The following SRGAP2 variants were observed in gnomAD, a reference collection of about 807,000 sequenced individuals.
SRGAP2 encodes SLIT-ROBO Rho GTPase activating protein 2, also known as SLIT-ROBO Rho GTPase-activating protein 2.
A neutral mutation model predicts 57.2 loss-of-function variants in SRGAP2; 15 were observed. That is an observed-to-expected ratio of 0.26 (90% CI 0.18 to 0.40). SRGAP2 has a LOEUF of 0.40. Ranked by LOEUF, SRGAP2 falls within the 10% of genes least tolerant of loss-of-function variation. The probability of loss-of-function intolerance (pLI) is 1.00; values close to 1 mark genes in which losing one functional copy is unlikely to be tolerated. For missense variants in SRGAP2, 520 were observed against 669.6 expected (o/e 0.78, Z 2.47); for synonymous variants, 249 against 248.0 (o/e 1.00, Z -0.04).
chr1:206,421,344 C>A (rs374887719), intron 13 of SRGAP2, 70 bp downstream of exon 13: 6 of 719,446 alleles, frequency 8.3e-6, no homozygotes, highest in Non-Finnish European at 1.5e-5. Flanking sequence ...ATTTATTGAG[C>A]GCCACTGTGT....
intron 11 of SRGAP2, among the ~76,000 whole-genome samples, chr1:206,418,906 G>A (rs985229357): frequency 6.6e-6 from 1 of 151,308 alleles, no homozygotes; most frequent in Admixed American, 6.6e-5. Context: ...GTGTGTGTGT[G>A]TGTGTGTGTG....
intron 3 of SRGAP2, among the ~76,000 whole-genome samples, chr1:206,327,919 C>T (rs1553330742): frequency 3.0e-5 from 3 of 100,766 alleles, no homozygotes; most frequent in Non-Finnish European, 3.8e-5. Context: ...AACTCGTCAT[C>T]TAGCATTAGG....
chr1:206,459,019 T>A, intron 22 of SRGAP2, 72 bp downstream of exon 22: 1 of 648,412 alleles, frequency 1.5e-6, no homozygotes, highest in Non-Finnish European at 2.8e-6. Flanking sequence ...CCCACCTAAT[T>A]ATGACAGGAC....
chr1:206,206,300 C>A (rs192133159), intron 2 of SRGAP2: 30 of 466,632 alleles, frequency 6.4e-5, no homozygotes, highest in Admixed American at 2.8e-4. Flanking sequence ...CTTTCCCCCC[C>A]AAGCCGGACA....
rs1194605542 is a variant in SRGAP2, at chr1:206,364,299, C to CTT, written c.424-19696_424-19695dup. On this transcript the variant is annotated intron_variant, in intron 4 of 22. Coordinates refer to ENST00000573034, the MANE Select transcript of SRGAP2 (RefSeq NM_015326.5). ...TCTATATAACCTCTGGGTTGCTCTTCTTTTTTTTTTTTTTTTTTTTGAGAT... is the reference window on the plus strand; with the variant it reads ...TCTATATAACCTCTGGGTTGCTCTTCTTTTTTTTTTTTTTTTTTTTTTGAGAT... Among the ~76,000 whole-genome samples the CTT allele has an allele frequency of 8.0e-3, 954 of 118,560 alleles. 23 individuals carry two copies. Among genetic ancestry groups the CTT allele is most frequent in the African/African-American group, 9.7e-3 (292 of 30,032 alleles). 77.8% of individuals were successfully genotyped at this position (118,560 alleles called of 152,430 possible).
intron 10 of SRGAP2, among the ~76,000 whole-genome samples, chr1:206,409,766 A>G (rs1381054111): frequency 6.7e-6 from 1 of 150,052 alleles, no homozygotes; most frequent in Non-Finnish European, 1.5e-5. Context: ...TGGGTGACAG[A>G]GTAAGACTCT....
At chr1:206,437,439 C>T (rs371460663) in intron 15 of SRGAP2, among the ~76,000 whole-genome samples, 9 of 152,186 alleles carry the variant, frequency 5.9e-5, no homozygotes, top group Admixed American at 5.2e-4. Flanking sequence ...TGGCAATTTC[C>T]GTCACTGTAA....
At chr1:206,439,918 A>G (rs1662118573) in intron 16 of SRGAP2, 58 bp from the exon 17 acceptor site, 8 of 760,938 alleles carry the variant, frequency 1.1e-5, no homozygotes, top group Middle Eastern at 2.3e-4. Context: ...ACTTCTGATC[A>G]TTACTGCCTG....
At chr1:206,304,501 T>TA (rs1231123239) in intron 3 of SRGAP2, among the ~76,000 whole-genome samples, 2 of 150,560 alleles carry the variant, frequency 1.3e-5, no homozygotes, top group Non-Finnish European at 3.0e-5. Context: ...CTGATGAGCT[T>TA]AAAAAAAATT....
chr1:206,347,866 C>T (rs573611574), intron 4 of SRGAP2, among the ~76,000 whole-genome samples: 2 of 151,142 alleles, frequency 1.3e-5, no homozygotes, highest in Admixed American at 1.3e-4. Context: ...TTGGGGCAAG[C>T]AGCTGGAAGT....
intron 3 of SRGAP2, among the ~76,000 whole-genome samples, chr1:206,310,411 A>G (rs1216728078): frequency 2.0e-5 from 3 of 152,120 alleles, no homozygotes; most frequent in Admixed American, 6.5e-5. Flanking sequence ...AAATAAGTGT[A>G]TATGTGAAAT....
intron 3 of SRGAP2, among the ~76,000 whole-genome samples, chr1:206,333,139 AC>A (rs1674500966): frequency 6.9e-6 from 1 of 145,598 alleles, no homozygotes; most frequent in African/African-American, 2.5e-5. Context: ...GGGGTCAGGG[AC>A]CCACTTGAGG....
chr1:206,451,680 A>C (rs1553375989), intron 19 of SRGAP2, among the ~76,000 whole-genome samples: 2 of 152,206 alleles, frequency 1.3e-5, no homozygotes, highest in African/African-American at 4.8e-5. Flanking sequence ...GAAAATGAGT[A>C]GTGGGTTAGA....
chr1:206,323,007 A>G (rs1454614010), intron 3 of SRGAP2, among the ~76,000 whole-genome samples: 3 of 151,710 alleles, frequency 2.0e-5, no homozygotes, highest in Non-Finnish European at 4.4e-5. Context: ...CACAAGAGTG[A>G]GAATTCATTT....
At chr1:206,333,643 C>A (rs1674551830) in intron 3 of SRGAP2, among the ~76,000 whole-genome samples, 1 of 152,170 alleles carries the variant, frequency 6.6e-6, no homozygotes. Flanking sequence ...CTTCCCACCT[C>A]AGCTTCCCGA....
chr1:206,372,951 C>CT (rs1654721740), intron 4 of SRGAP2, among the ~76,000 whole-genome samples: 6 of 11,350 alleles, frequency 5.3e-4, no homozygotes, highest in Non-Finnish European at 7.3e-4. Flanking sequence ...TTCTTTCTTT[C>CT]TTTCTTTTCT....
intron 3 of SRGAP2, among the ~76,000 whole-genome samples, chr1:206,327,327 CAA>C (rs1553330360): frequency 2.2e-4 from 19 of 87,660 alleles, no homozygotes; most frequent in East Asian, 3.2e-4. Flanking sequence ...AACTCCGTCT[CAA>C]AAAAAAAAAA....
At chr1:206,392,180 GC>G (rs1657042052) in intron 5 of SRGAP2, among the ~76,000 whole-genome samples, 1 of 151,106 alleles carries the variant, frequency 6.6e-6, no homozygotes, top group Non-Finnish European at 1.5e-5. Flanking sequence ...AGAATGCCAG[GC>G]CGGTAAAAGG....
chr1:206,313,364 AC>A (rs1479862999), intron 3 of SRGAP2, among the ~76,000 whole-genome samples: 2 of 139,726 alleles, frequency 1.4e-5, no homozygotes, highest in African/African-American at 5.4e-5. Flanking sequence ...TGTAGTAAGT[AC>A]TAAGTATATG....
Sources: allele counts gnomAD v4.1 joint callset (sites outside exome capture counted in the v4.1 genomes callset), GRCh38; gene constraint gnomAD v4.1.1; transcripts MANE v1.5; gene names NCBI Gene and HGNC (gene_info 2026-07-23, HGNC 2026-07-21).